Variants in AADACL3 observed in about 807,000 individuals in gnomAD.
AADACL3 encodes arylacetamide deacetylase like 3.
In AADACL3, 13 loss-of-function variants were observed where a neutral mutation model predicts 13.6. That is an observed-to-expected ratio of 0.95 (90% CI 0.62 to 1.52). The LOEUF (loss-of-function observed/expected upper bound fraction) is 1.52. Ranked by LOEUF, AADACL3 falls within the 40% of genes most tolerant of loss-of-function variation. The pLI is 0.00. For missense variants in AADACL3, 519 were observed against 499.2 expected (o/e 1.04, Z -0.38); for synonymous variants, 195 against 197.0 (o/e 0.99, Z 0.08).
At chr1:12,718,662 G>A (rs767200305) in intron 1 of AADACL3, among the ~76,000 whole-genome samples, 5 of 152,084 alleles carry the variant, frequency 3.3e-5, no homozygotes, top group Middle Eastern at 3.4e-3. Flanking sequence ...ACACCCACCC[G>A]GCTAATTTTT....
intron 1 of AADACL3, among the ~76,000 whole-genome samples, chr1:12,717,441 G>T (rs984524989): frequency 6.6e-6 from 1 of 152,142 alleles, no homozygotes; most frequent in Non-Finnish European, 1.5e-5. Context: ...TCTCCAGAAG[G>T]CTTATTATAA....
intron 1 of AADACL3, 28 bp from the exon 2 acceptor site, chr1:12,719,447 G>C: frequency 6.2e-7 from 1 of 1,600,822 alleles, no homozygotes; most frequent in Non-Finnish European, 8.6e-7. Context: ...AACCCATCTC[G>C]ACCCATCATT....
Position 12,727,727 on chromosome 1 carries a change from C to T in AADACL3, c.*1731C>T, listed in dbSNP as rs1044793013. 1 of 152,270 alleles carries T rather than the reference C, an allele frequency of 6.6e-6. No homozygotes were observed. Among genetic ancestry groups the T allele is most frequent in the Admixed American group, 6.5e-5 (1 of 15,286 alleles). 9.4% of individuals were successfully genotyped at this position (152,270 alleles called of 1,614,324 possible). On this transcript the variant is annotated 3_prime_UTR_variant, in exon 4 of 4. Transcript: ENST00000359318. ...TGGGGTTTGTTGGAGAAATAGGAAC[C>T]ATCCCCTGAAAACACACACTATGGT... is the stretch of plus-strand genomic sequence containing the variant.
At chr1:12,717,060 T>C (rs1648453120) in intron 1 of AADACL3, among the ~76,000 whole-genome samples, 1 of 152,238 alleles carries the variant, frequency 6.6e-6, no homozygotes, top group African/African-American at 2.4e-5. Flanking sequence ...TTTCTTGTAC[T>C]TTTTCTTGTG....
At chr1:12,718,216 A>G (rs1409335817) in intron 1 of AADACL3, among the ~76,000 whole-genome samples, 1 of 152,020 alleles carries the variant, frequency 6.6e-6, no homozygotes, top group African/African-American at 2.4e-5. Flanking sequence ...CCATGTATTT[A>G]TTTTATGTAT....
chr1:12,723,349 G>A (rs1350311977), intron 3 of AADACL3, among the ~76,000 whole-genome samples: 2 of 152,128 alleles, frequency 1.3e-5, no homozygotes, highest in Non-Finnish European at 2.9e-5. Flanking sequence ...ATGTTTACAA[G>A]GTAAAAATTG....
In AADACL3 at chr1:12,725,722, T is replaced by C. The variant is rs754313446; in HGVS notation, c.950T>C (p.Val317Ala). The C allele has an allele frequency of 9.9e-6, 16 of 1,613,982 alleles. No homozygotes were observed. The highest frequency in any genetic ancestry group is 6.8e-6 in the Non-Finnish European group (8 of 1,180,018). The change falls in exon 4 of 4, where the codon GTT (valine) becomes GCT (alanine). Residue 317 changes from valine (V) to alanine (A), a missense_variant. Physicochemically the swap from Val to Ala is moderately conservative, Grantham distance 64. Coordinates refer to ENST00000359318, the MANE Select transcript of AADACL3 (RefSeq NM_001103170.3). Reference sequence around the variant, plus strand: ...GAAGCTGCTTACTTGGAAGTAAGTGTTGTCCTGGATGTGATGTGCTCGCCC... The same window carrying C: ...GAAGCTGCTTACTTGGAAGTAAGTGCTGTCCTGGATGTGATGTGCTCGCCC... ...MNEAAYLEVS[V>A]VLDVMCSPLI...
At position 12,719,547 on chromosome 1, in the gene AADACL3, C is replaced by T. The variant is rs377178173; in HGVS notation, c.241C>T (p.Leu81=). 39 of 1,614,164 alleles carry T rather than the reference C, an allele frequency of 2.4e-5. No homozygotes were observed. The African/African-American group carries it at 3.6e-4, about 15-fold the overall frequency. ...FFCFMQDLPP[L]KYDPDVVVTD... is the part of the protein sequence containing the mutation. ...CTGTTTCATGCAAGATCTGCCTCCG[C>T]TAAAGTATGACCCCGATGTTGTGGT... Residue 81 remains leucine, a synonymous_variant, in exon 2 of 4, where the codon CTA becomes TTA. Transcript: ENST00000359318.
intron 1 of AADACL3, 88 bp downstream of exon 1, chr1:12,716,432 G>A: frequency 6.5e-7 from 1 of 1,546,980 alleles, no homozygotes; most frequent in South Asian, 1.1e-5. Context: ...CTAGCTGAAT[G>A]AACACCGGTA....
rs184851056 is a variant in AADACL3, at chr1:12,719,475, G to C, written c.169G>C (p.Gly57Arg). 1.7e-5 allele frequency: 28 copies of C among 1,613,294 alleles called. No homozygotes were observed. The East Asian group carries it at 6.2e-4, about 36-fold the overall frequency. ...CCATCATTTCTTCTCTCTCCAACAGGGGATGATATTTGAGAAGCTCAGAAT... is the reference window on the plus strand; with the variant it reads ...CCATCATTTCTTCTCTCTCCAACAGCGGATGATATTTGAGAAGCTCAGAAT... ...HCIFQLLLTW[G>R]MIFEKLRICS... The change falls in exon 2 of 4, where the codon GGG (glycine) becomes CGG (arginine). Residue 57 changes from glycine to arginine, a missense_variant and splice_region_variant. By Grantham distance (125) the Gly-to-Arg change is moderately radical. Transcript: ENST00000359318.
chr1:12,723,253 A>T (rs1485893512), intron 3 of AADACL3, among the ~76,000 whole-genome samples: 1 of 145,922 alleles, frequency 6.9e-6, no homozygotes, highest in Non-Finnish European at 1.5e-5. Flanking sequence ...TTAAAAGATT[A>T]AAAAAAATAA....
chr1:12,724,882 C>T (rs905385519), intron 3 of AADACL3, among the ~76,000 whole-genome samples: 10 of 152,174 alleles, frequency 6.6e-5, no homozygotes, highest in African/African-American at 2.4e-4. Flanking sequence ...GTTGCTCATA[C>T]AAGAATCATA....
chr1:12,716,415 G>C, intron 1 of AADACL3, 71 bp downstream of exon 1: 11 of 1,595,162 alleles, frequency 6.9e-6, no homozygotes, highest in Non-Finnish European at 9.5e-6. Flanking sequence ...TCACACACCG[G>C]AAGCTTCTAG....
At chr1:12,717,567 G>A (rs1199454423) in intron 1 of AADACL3, among the ~76,000 whole-genome samples, 1 of 152,142 alleles carries the variant, frequency 6.6e-6, no homozygotes, top group Non-Finnish European at 1.5e-5. Flanking sequence ...CGCCAGTCCT[G>A]GGCTCTAGGG....
intron 1 of AADACL3, among the ~76,000 whole-genome samples, chr1:12,717,206 A>G (rs553051951): frequency 6.6e-6 from 1 of 152,284 alleles, no homozygotes; most frequent in Non-Finnish European, 1.5e-5. Flanking sequence ...ATGCTATTCA[A>G]AAGAATGTAG....
intron 2 of AADACL3, 92 bp from the exon 3 acceptor site, chr1:12,720,791 G>A (rs907882862): frequency 2.2e-5 from 24 of 1,106,848 alleles, no homozygotes; most frequent in Non-Finnish European, 3.1e-5. Context: ...AGTCGGCATC[G>A]GCCCAAGTGC....
Position 12,725,255 on chromosome 1 carries a change from G to T in AADACL3, c.483G>T (p.Val161=). The change falls in exon 4 of 4, where the codon GTG becomes GTT. Residue 161 remains valine, a synonymous_variant. Transcript: ENST00000359318. ...YRKLPKHKFP[V]PVRDCLVATI... is the part of the protein sequence containing the mutation. Reference sequence around the variant, plus strand: ...AGTTACCTAAGCATAAGTTTCCAGTGCCAGTAAGAGACTGCTTGGTGGCCA... The same window carrying T: ...AGTTACCTAAGCATAAGTTTCCAGTTCCAGTAAGAGACTGCTTGGTGGCCA... 1 of 1,610,330 alleles carries T rather than the reference G, an allele frequency of 6.2e-7. No individual in the cohort carries two copies. Among genetic ancestry groups the T allele is most frequent in the Admixed American group, 1.7e-5 (1 of 58,994 alleles).
In AADACL3 at chr1:12,719,529, A is replaced by G. The variant is rs376918948; in HGVS notation, c.223A>G (p.Met75Val). The change falls in exon 2 of 4, where the codon ATG (methionine) becomes GTG (valine). Residue 75 changes from methionine (M) to valine (V), a missense_variant. By Grantham distance (21) the Met-to-Val change is conservative. Coordinates refer to ENST00000359318, the MANE Select transcript of AADACL3 (RefSeq NM_001103170.3). ...ICSMPQFFCF[M>V]QDLPPLKYDP... The stretch of plus-strand genomic sequence containing the variant: ...TTCTATGCCCCAATTTTTCTGTTTC[A>G]TGCAAGATCTGCCTCCGCTAAAGTA... The G allele has an allele frequency of 1.6e-5, 26 of 1,614,004 alleles. No individual in the cohort carries two copies. The Middle Eastern group carries it at 6.6e-4, about 41-fold the overall frequency.
At chr1:12,719,800 C>A in intron 2 of AADACL3, 109 bp downstream of exon 2, 1 of 1,161,644 alleles carries the variant, frequency 8.6e-7, no homozygotes. Context: ...TATCAGGGAA[C>A]ACCAGGGCAG....
Sources: allele counts gnomAD v4.1 joint callset (sites outside exome capture counted in the v4.1 genomes callset), GRCh38; gene constraint gnomAD v4.1.1; transcripts MANE v1.5; gene names NCBI Gene and HGNC (gene_info 2026-07-23, HGNC 2026-07-21).